The following CCDC157 variants were observed in gnomAD, a reference collection of about 807,000 sequenced individuals.
CCDC157 encodes the protein coiled-coil domain-containing protein 157.
Under a neutral mutation model 70.9 loss-of-function variants are expected in CCDC157, and 60 were observed. The ratio of observed to expected loss-of-function variants is 0.85; its 90% CI spans 0.69 to 1.05. The LOEUF (loss-of-function observed/expected upper bound fraction) is 1.05, where lower values mean the gene tolerates loss of function less well. CCDC157 is among the 50% of genes least tolerant of loss of function. The probability of loss-of-function intolerance (pLI) is 0.00; values close to 1 mark genes in which losing one functional copy is unlikely to be tolerated. For missense variants in CCDC157, 943 were observed against 984.2 expected (o/e 0.96, Z 0.56); for synonymous variants, 373 against 422.4 (o/e 0.88, Z 1.43).
At chr22:30,359,571 G>A (rs914565276) in intron 1 of CCDC157, among the ~76,000 whole-genome samples, 2 of 152,140 alleles carry the variant, frequency 1.3e-5, no homozygotes, top group East Asian at 3.9e-4. Context: ...CCTCTGCACC[G>A]TCCAATACAG....
At chr22:30,367,422 G>C (rs1932773772) in intron 3 of CCDC157, among the ~76,000 whole-genome samples, 1 of 152,166 alleles carries the variant, frequency 6.6e-6, no homozygotes, top group African/African-American at 2.4e-5. Flanking sequence ...ATTTTTAGTG[G>C]AGACGGGGTT....
chr22:30,376,717 C>T lies in CCDC157; in HGVS notation c.2231C>T (p.Ala744Val). Reference sequence around the variant, plus strand: ...CCTGGCCGGGGACAGGCCAGCTCTGCACACCAGCCCCAGGAGCGGCCCATG... The same window carrying T: ...CCTGGCCGGGGACAGGCCAGCTCTGTACACCAGCCCCAGGAGCGGCCCATG... Reference protein sequence around the residue: ...LSPGRGQASSAHQPQERPM With the variant: ...LSPGRGQASSVHQPQERPM Residue 744 changes from alanine (A) to valine (V), a missense_variant, in exon 12 of 12, where the codon GCA (alanine) becomes GTA (valine). Ala to Val is a moderately conservative substitution (Grantham distance 64). Transcript: ENST00000338306. 1.2e-6 allele frequency: 2 copies of T among 1,612,980 alleles called. No individual in the cohort carries two copies. The highest frequency in any genetic ancestry group is 1.7e-6 in the Non-Finnish European group (2 of 1,179,846).
At chr22:30,374,182 C>A in intron 9 of CCDC157, 91 bp downstream of exon 9, 1 of 1,438,398 alleles carries the variant, frequency 7.0e-7, no homozygotes, top group South Asian at 1.3e-5. Context: ...GACTGCAGCT[C>A]CCTAGCCTGC....
chr22:30,375,580 A>G lies in CCDC157; in HGVS notation c.1774A>G (p.Ile592Val). The stretch of plus-strand genomic sequence containing the variant: ...GCAAGTGCAGTCCAACGACATCCGC[A>G]TCCGGGTCCTACAGGAGGAGAACGG... ...ERQVQSNDIR[I>V]RVLQEENGRL... Residue 592 changes from isoleucine to valine, a missense_variant, in exon 10 of 12, where the codon ATC becomes GTC. Physicochemically the swap from Ile to Val is conservative, Grantham distance 29. Transcript: ENST00000338306. 6.2e-7 allele frequency: 1 copy of G among 1,614,238 alleles called. No individual in the cohort carries two copies. The highest frequency in any genetic ancestry group is 8.5e-7 in the Non-Finnish European group (1 of 1,180,044).
Position 30,376,738 on chromosome 22 carries a change from C to T in CCDC157, c.2252C>T (p.Pro751Leu). The T allele has an allele frequency of 1.9e-6, 3 of 1,610,720 alleles. No individual in the cohort carries two copies. Among genetic ancestry groups the T allele is most frequent in the Non-Finnish European group, 2.5e-6 (3 of 1,178,226 alleles). Reference sequence around the variant, plus strand: ...TCTGCACACCAGCCCCAGGAGCGGCCCATGTAGCCTGTGGCCCAGGGCTGA... The same window carrying T: ...TCTGCACACCAGCCCCAGGAGCGGCTCATGTAGCCTGTGGCCCAGGGCTGA... ...ASSAHQPQER[P>L]M Residue 751 changes from proline (P) to leucine (L), a missense_variant, in exon 12 of 12, where the codon CCC becomes CTC. Transcript: ENST00000338306.
At chr22:30,365,913 GA>G (rs1932690629) in intron 2 of CCDC157, 76 bp from the exon 3 acceptor site, 3 of 1,376,750 alleles carry the variant, frequency 2.2e-6, no homozygotes, top group Non-Finnish European at 3.0e-6. Context: ...CTCCTGGGCA[GA>G]TGAGGGTTTC....
upstream of CCDC157, chr22:30,356,897 C>G: frequency 9.5e-7 from 1 of 1,049,708 alleles, no homozygotes. Context: ...AAGATGGCGG[C>G]GGCCGAGCGA....
intron 1 of CCDC157, among the ~76,000 whole-genome samples, chr22:30,358,130 G>A (rs1168262505): frequency 6.6e-6 from 1 of 152,160 alleles, no homozygotes; most frequent in African/African-American, 2.4e-5. Context: ...AGCTGGCTCC[G>A]AACCTGTTCC....
At chr22:30,367,393 G>A (rs1437040394) in intron 3 of CCDC157, among the ~76,000 whole-genome samples, 2 of 151,960 alleles carry the variant, frequency 1.3e-5, no homozygotes, top group African/African-American at 2.4e-5. Flanking sequence ...CTGCTGTCAC[G>A]CCTGGCTAGT....
chr22:30,375,852 C>G, intron 10 of CCDC157, 189 bp downstream of exon 10: 1 of 604,380 alleles, frequency 1.7e-6, no homozygotes, highest in Non-Finnish European at 2.9e-6. Context: ...GCCTTCCAGT[C>G]CCATATGCCC....
upstream of CCDC157, chr22:30,356,760 C>G: frequency 6.8e-7 from 1 of 1,479,154 alleles, no homozygotes; most frequent in East Asian, 2.8e-5. Flanking sequence ...CGGGCGGCGG[C>G]GGGGGCACCG....
Position 30,372,161 on chromosome 22 carries a change from C to G in CCDC157, c.1210C>G (p.Gln404Glu). Reference protein sequence around the residue: ...QVQQLEEQVQQLEAQVQLLVG... With the variant: ...QVQQLEEQVQELEAQVQLLVG... ...GCAGCAGCTGGAGGAGCAGGTGCAGCAGTTGGAGGCGCAGGTGCAGCTGTT... is the reference window on the plus strand; with the variant it reads ...GCAGCAGCTGGAGGAGCAGGTGCAGGAGTTGGAGGCGCAGGTGCAGCTGTT... The change falls in exon 7 of 12, where the codon CAG becomes GAG. Residue 404 changes from glutamine to glutamate, a missense_variant. Transcript: ENST00000338306. The G allele has an allele frequency of 6.4e-7, 1 of 1,567,520 alleles. No individual in the cohort carries two copies. Among genetic ancestry groups the G allele is most frequent in the Non-Finnish European group, 8.6e-7 (1 of 1,157,618 alleles).
chr22:30,369,509 C>A lies in CCDC157; in HGVS notation c.326C>A (p.Ala109Asp). The A allele has an allele frequency of 6.2e-7, 1 of 1,607,860 alleles. No homozygotes were observed. The highest frequency in any genetic ancestry group is 8.5e-7 in the Non-Finnish European group (1 of 1,176,628). Residue 109 changes from alanine (A) to aspartate (D), a missense_variant, in exon 4 of 12, where the codon GCT (alanine) becomes GAT (aspartate). Coordinates refer to ENST00000338306, the MANE Select transcript of CCDC157 (RefSeq NM_001017437.5). The part of the protein sequence containing the change: ...GSEQMMPPAQ[A>D]AGPCMSVGLT... Reference sequence around the variant, plus strand: ...GAGCAGATGATGCCCCCTGCACAGGCTGCGGGGCCCTGCATGTCCGTGGGG... The same window carrying A: ...GAGCAGATGATGCCCCCTGCACAGGATGCGGGGCCCTGCATGTCCGTGGGG...
chr22:30,365,990 G>A lies in CCDC157; in HGVS notation c.-11G>A. 1 of 1,578,992 alleles carries A rather than the reference G, an allele frequency of 6.3e-7. No individual in the cohort carries two copies. Among genetic ancestry groups the A allele is most frequent in the Non-Finnish European group, 8.6e-7 (1 of 1,169,184 alleles). ...CAGGGCTCTTCTCTGCTCACCCCAG[G>A]ATCTGTGAGGATGGCGCACCTGCTG... On this transcript the variant is annotated splice_region_variant and 5_prime_UTR_variant, in exon 3 of 12. Coordinates refer to ENST00000338306, the MANE Select transcript of CCDC157 (RefSeq NM_001017437.5).
At chr22:30,361,321 C>T (rs191983916) in intron 1 of CCDC157, among the ~76,000 whole-genome samples, 3 of 151,390 alleles carry the variant, frequency 2.0e-5, no homozygotes, top group African/African-American at 4.8e-5. Context: ...TTTAGTAAGG[C>T]CTGTTTGCTC....
rs1448631408 is a variant in CCDC157, at chr22:30,377,424, T to G, written c.*679T>G. ...CTTTCCCATCCCTGTCCCTTGGGGGTCTCTTCAGCCCAGGGTGCCATGCGG... is the reference window on the plus strand; with the variant it reads ...CTTTCCCATCCCTGTCCCTTGGGGGGCTCTTCAGCCCAGGGTGCCATGCGG... On this transcript the variant is annotated 3_prime_UTR_variant, in exon 12 of 12. Transcript: ENST00000338306. 1 of 154,118 alleles carries G rather than the reference T, an allele frequency of 6.5e-6. No individual in the cohort carries two copies. Among genetic ancestry groups the G allele is most frequent in the Non-Finnish European group, 1.4e-5 (1 of 69,366 alleles). 9.5% of individuals were successfully genotyped at this position (154,118 alleles called of 1,614,324 possible). A position where few individuals can be genotyped will look rare whatever the true frequency, so the allele number is the denominator to read the frequency against.
In CCDC157 at chr22:30,375,386, A is replaced by G. The variant is rs538946787; in HGVS notation, c.1673-93A>G. On this transcript the variant is annotated intron_variant, in intron 9 of 11. Coordinates refer to ENST00000338306, the MANE Select transcript of CCDC157 (RefSeq NM_001017437.5). ...CTCGGGAGAAGGAAGATGAGCTAGG[A>G]GGCCTGGTGCACTACACAGCTCCTT... 7.5e-5 allele frequency: 87 copies of G among 1,156,696 alleles called. 2 individuals are homozygous for G. In the Admixed American group the frequency reaches 1.7e-3, roughly 22 times the overall value. 71.7% of individuals were successfully genotyped at this position (1,156,696 alleles called of 1,614,324 possible). A position where few individuals can be genotyped will look rare whatever the true frequency, so the allele number is the denominator to read the frequency against.
intron 2 of CCDC157, 103 bp from the exon 3 acceptor site, chr22:30,365,887 A>T: frequency 8.7e-7 from 1 of 1,155,568 alleles, no homozygotes; most frequent in Non-Finnish European, 1.2e-6. Context: ...TCTGGGGTGA[A>T]CTTCCGGCCT....
chr22:30,373,678 G>A lies in CCDC157; in HGVS notation c.1417G>A (p.Asp473Asn), dbSNP rs1278247500. Residue 473 changes from aspartate (D) to asparagine (N), a missense_variant, in exon 8 of 12, where the codon GAC (aspartate) becomes AAC (asparagine). Coordinates refer to ENST00000338306, the MANE Select transcript of CCDC157 (RefSeq NM_001017437.5). ...ACGTGAGGAGCTGCGGGGCAGCCTG[G>A]ACGAGGCTGAGGCCCAGCGGGCCCG... ...QEREELRGSL[D>N]EAEAQRARVE... is the part of the protein sequence containing the mutation. 6.4e-7 allele frequency: 1 copy of A among 1,555,812 alleles called. No homozygotes were observed. Among genetic ancestry groups the A allele is most frequent in the Non-Finnish European group, 8.7e-7 (1 of 1,149,820 alleles).
Sources: allele counts gnomAD v4.1 joint callset (sites outside exome capture counted in the v4.1 genomes callset), GRCh38; gene constraint gnomAD v4.1.1; transcripts MANE v1.5; gene names NCBI Gene and HGNC (gene_info 2026-07-23, HGNC 2026-07-21).